Variants in ADAMTS17 observed in about 807,000 individuals in gnomAD.
ADAMTS17 encodes ADAM metallopeptidase with thrombospondin type 1 motif 17.
A neutral mutation model predicts 141.5 loss-of-function variants in ADAMTS17; 113 were observed. The ratio of observed to expected loss-of-function variants is 0.80; its 90% confidence interval spans 0.69 to 0.93. The LOEUF is 0.93. ADAMTS17 is among the 40% of genes least tolerant of loss of function. ADAMTS17 has a pLI of 0.00. For missense variants in ADAMTS17, 1,659 were observed against 1,517.9 expected, an observed-to-expected ratio of 1.09 and a Z score of -1.54; for synonymous variants, 768 against 630.6, an observed-to-expected ratio of 1.22 and a Z score of -3.27.
At position 100,183,900 on chromosome 15, in the gene ADAMTS17, A is replaced by T. The variant is rs75455822; in HGVS notation, c.1181+15418T>A. Among the ~76,000 whole-genome samples, 4 of 152,252 alleles carry T rather than the reference A, an allele frequency of 2.6e-5. No homozygotes were observed. The East Asian group carries it at 5.8e-4, about 22-fold the overall frequency. ...TATGGTATCGTTGAGGCTCCTCTTC[A>T]GTCGCTGCTGGTGATATCTGTGGGG... On this transcript the variant is annotated intron_variant, in intron 8 of 21. Coordinates refer to ENST00000268070, the MANE Select transcript of ADAMTS17 (RefSeq NM_139057.4).
chr15:100,204,608 C>T lies in ADAMTS17; in HGVS notation c.1076-5185G>A, dbSNP rs569275180. ...AGGAATAAAAAAGTTGGACCCCTAC[C>T]TCACACCACATTTAAAATATAAGTC... On this transcript the variant is annotated intron_variant, in intron 7 of 21. Coordinates refer to ENST00000268070, the MANE Select transcript of ADAMTS17 (RefSeq NM_139057.4). 9.8e-5 allele frequency among the ~76,000 whole-genome samples: 15 copies of T among 152,318 alleles called. No homozygotes were observed. In the South Asian group the frequency reaches 3.1e-3, roughly 32 times the overall value.
At chr15:100,072,030 C>A (rs1249006657) in intron 15 of ADAMTS17, among the ~76,000 whole-genome samples, 2 of 150,094 alleles carry the variant, frequency 1.3e-5, no homozygotes, top group Admixed American at 6.7e-5. Flanking sequence ...CCAAAATCTC[C>A]TTGAGCTGAT....
chr15:100,258,541 A>G (rs2043406697), intron 6 of ADAMTS17, among the ~76,000 whole-genome samples: 1 of 152,216 alleles, frequency 6.6e-6, no homozygotes, highest in Non-Finnish European at 1.5e-5. Context: ...CACGTCTCAC[A>G]TGGCAGCAGG....
intron 7 of ADAMTS17, among the ~76,000 whole-genome samples, chr15:100,209,403 C>T (rs2041714230): frequency 6.6e-6 from 1 of 152,130 alleles, no homozygotes. Context: ...AAATCACTCC[C>T]TGGCAGGGCA....
intron 3 of ADAMTS17, among the ~76,000 whole-genome samples, chr15:100,290,169 A>G (rs1318345824): frequency 1.3e-5 from 2 of 152,228 alleles, no homozygotes; most frequent in East Asian, 1.9e-4. Flanking sequence ...AAAGTTTCAG[A>G]TATATAATCA....
chr15:99,977,400 A>ATATATATATATATAT (rs1491361858), intron 20 of ADAMTS17, among the ~76,000 whole-genome samples: 4 of 4,754 alleles, frequency 8.4e-4, no homozygotes, highest in African/African-American at 2.5e-3. Flanking sequence ...ATATATATAT[A>ATATATATATATATAT]ATTTTTTTTT....
chr15:100,123,442 C>A (rs927211687), intron 12 of ADAMTS17, among the ~76,000 whole-genome samples: 24 of 152,200 alleles, frequency 1.6e-4, no homozygotes, highest in African/African-American at 5.5e-4. Flanking sequence ...CCTGTGAGGG[C>A]AGGAAGGCGC....
chr15:100,325,469 C>A (rs1567539366), intron 3 of ADAMTS17, among the ~76,000 whole-genome samples: 1 of 152,238 alleles, frequency 6.6e-6, no homozygotes, highest in East Asian at 1.9e-4. Context: ...GAGAGGACGG[C>A]CAATACGGTT....
intron 3 of ADAMTS17, among the ~76,000 whole-genome samples, chr15:100,329,433 C>T (rs2045983693): frequency 1.3e-5 from 2 of 150,936 alleles, no homozygotes; most frequent in Non-Finnish European, 2.9e-5. Context: ...TACTCAGGAG[C>T]GAGGATCACC....
intron 3 of ADAMTS17, among the ~76,000 whole-genome samples, chr15:100,299,617 G>A (rs552092486): frequency 6.6e-6 from 1 of 152,234 alleles, no homozygotes; most frequent in East Asian, 1.9e-4. Flanking sequence ...ACAAAAGCCT[G>A]AAAAGAAATC....
At chr15:100,073,264 C>T (rs2034114945) in intron 15 of ADAMTS17, among the ~76,000 whole-genome samples, 1 of 152,162 alleles carries the variant, frequency 6.6e-6, no homozygotes, top group South Asian at 2.1e-4. Flanking sequence ...CAGGAAACAA[C>T]AGGTGCTGGA....
At chr15:100,249,626 T>C (rs1420059367) in intron 7 of ADAMTS17, among the ~76,000 whole-genome samples, 2 of 152,196 alleles carry the variant, frequency 1.3e-5, no homozygotes, top group African/African-American at 2.4e-5. Flanking sequence ...CCCCAGGTGC[T>C]GCCTGTGTTC....
At chr15:100,074,131 C>G (rs560020680) in intron 15 of ADAMTS17, 2 of 153,078 alleles carry the variant, frequency 1.3e-5, no homozygotes, top group African/African-American at 4.8e-5. Flanking sequence ...CAGACCTGAC[C>G]TTGCTTAGCT....
chr15:100,031,134 T>G (rs1471458188), intron 18 of ADAMTS17, among the ~76,000 whole-genome samples: 2 of 152,138 alleles, frequency 1.3e-5, no homozygotes, highest in Non-Finnish European at 2.9e-5. Context: ...TGCCCGTGGG[T>G]TTGCATGCAG....
chr15:100,211,298 C>CAAAAAAAAAAAAA, intron 7 of ADAMTS17, among the ~76,000 whole-genome samples: 1 of 95,806 alleles, frequency 1.0e-5, no homozygotes, highest in Non-Finnish European at 2.1e-5. Flanking sequence ...AACTTCATCT[C>CAAAAAAAAAAAAA]AAAAAAAAAA....
rs1312310339 is a variant in ADAMTS17 at position 100,281,036 on chromosome 15, G to T, written c.789+193C>A. The stretch of plus-strand genomic sequence containing the variant: ...ACACTACGCCAGTGTGGAGCCGAGG[G>T]CAGGTGCTCTTCCATCGGGATGTCC... On this transcript the variant is annotated intron_variant, in intron 4 of 21. Transcript: ENST00000268070. 2.0e-5 allele frequency among the ~76,000 whole-genome samples: 3 copies of T among 152,192 alleles called. 1 individual carries two copies. Among genetic ancestry groups the T allele is most frequent in the Non-Finnish European group, 4.4e-5 (3 of 68,030 alleles).
chr15:100,289,523 CACACACAT>C (rs764706894), intron 3 of ADAMTS17, among the ~76,000 whole-genome samples: 19 of 143,124 alleles, frequency 1.3e-4, no homozygotes, highest in East Asian at 6.1e-4. Flanking sequence ...ACCTTGCAGA[CACACACAT>C]ACACACATAC....
At chr15:100,117,956 T>C (rs1331750630) in intron 12 of ADAMTS17, among the ~76,000 whole-genome samples, 1 of 152,214 alleles carries the variant, frequency 6.6e-6, no homozygotes, top group Non-Finnish European at 1.5e-5. Flanking sequence ...TCTGGACACA[T>C]TAGCCATTTC....
intron 3 of ADAMTS17, among the ~76,000 whole-genome samples, chr15:100,322,130 T>C (rs1321385171): frequency 6.6e-6 from 1 of 152,096 alleles, no homozygotes; most frequent in Admixed American, 6.6e-5. Flanking sequence ...AGTCAACACT[T>C]GGAAGACAGG....
Sources: gnomAD v4.1 joint callset for allele counts (sites outside exome capture counted in the v4.1 genomes callset) on GRCh38, gnomAD v4.1.1 for gene constraint, MANE v1.5 for transcripts, NCBI Gene and HGNC (gene_info 2026-07-23, HGNC 2026-07-21) for gene names.